BDP1: variants seen among roughly 807,000 people sequenced by gnomAD.
BDP1 encodes BDP1 general transcription factor IIIB subunit.
BDP1 carries 169 observed loss-of-function variants against 266.6 expected under a neutral mutation model. The ratio of observed to expected loss-of-function variants is 0.63; its 90% confidence interval spans 0.56 to 0.72. BDP1 has a LOEUF of 0.72. BDP1 is among the 30% of genes least tolerant of loss of function. The pLI is 0.00. For missense variants in BDP1, 3,015 were observed against 3,053.8 expected (o/e 0.99, Z 0.30); for synonymous variants, 1,090 against 1,022.4 (o/e 1.07, Z -1.26).
chr5:71,575,688 G>A, the BDP1 span, among the ~76,000 whole-genome samples: 11 of 152,096 alleles, frequency 7.2e-5, no homozygotes, highest in Admixed American at 2.6e-4. Flanking sequence ...GCCTCAATTT[G>A]CCTTCTCTGT....
At chr5:71,547,918 T>C (rs1742453851) in intron 32 of BDP1, among the ~76,000 whole-genome samples, 1 of 151,802 alleles carries the variant, frequency 6.6e-6, no homozygotes. Context: ...ATTGTGCCAC[T>C]GCACTCCAGC....
intron 14 of BDP1, among the ~76,000 whole-genome samples, chr5:71,502,236 G>T (rs1220233090): frequency 7.1e-6 from 1 of 141,188 alleles, no homozygotes; most frequent in African/African-American, 2.7e-5. Flanking sequence ...ACGTAGTGGT[G>T]CAGTCTCTGC....
chr5:71,515,962 A>G lies in BDP1; in HGVS notation c.4650-99A>G, dbSNP rs749611360. The G allele has an allele frequency of 4.1e-5, 30 of 736,522 alleles. 1 individual carries two copies. Among genetic ancestry groups the G allele is most frequent in the Non-Finnish European group, 6.5e-5 (29 of 446,242 alleles). The allele number at this position is 736,522 out of a possible 1,614,324, so 45.6% of individuals were successfully genotyped here. On this transcript the variant is annotated intron_variant, in intron 20 of 38. Coordinates refer to ENST00000358731, the MANE Select transcript of BDP1 (RefSeq NM_018429.3). ...CCTTTAATGGTACAAAGTATTTTTT[A>G]GAGTGTTTATTAGAGGAGATCCAAA...
rs1231623123 is a variant in BDP1, at chr5:71,483,834, G to A, written c.1015-8G>A. On this transcript the variant is annotated splice_polypyrimidine_tract_variant and splice_region_variant and intron_variant, in intron 7 of 38. Coordinates refer to ENST00000358731, the MANE Select transcript of BDP1 (RefSeq NM_018429.3). ...GAAAATTACCATAGGGTTTTTTGTT[G>A]TTAACAGAATAAATTTAAACGGGAA... The A allele has an allele frequency of 6.2e-7, 1 of 1,602,368 alleles. No individual in the cohort carries two copies. Among genetic ancestry groups the A allele is most frequent in the Non-Finnish European group, 8.5e-7 (1 of 1,173,212 alleles).
At chr5:71,524,832 G>A (rs1260005842) in intron 25 of BDP1, among the ~76,000 whole-genome samples, 15 of 150,470 alleles carry the variant, frequency 1.0e-4, no homozygotes, top group Middle Eastern at 3.4e-3. Context: ...GAGTGGCGAT[G>A]ACTCTTAACG....
rs564992559 is a variant in BDP1, at chr5:71,504,883, A to G, written c.2372+132A>G. 9 of 805,852 alleles carry G rather than the reference A, an allele frequency of 1.1e-5. No individual in the cohort carries two copies. The Middle Eastern group carries it at 1.0e-3, about 90-fold the overall frequency. The allele number at this position is 805,852 out of a possible 1,614,324, so 49.9% of individuals were successfully genotyped here. On this transcript the variant is annotated intron_variant, in intron 16 of 38. Transcript: ENST00000358731. The stretch of plus-strand genomic sequence containing the variant: ...GTCTAGTTATGTAGTGTTTAAAAAT[A>G]TAACTTCACCTTTCAAGAAAGTTTA...
chr5:71,469,358 G>T (rs927919964), intron 6 of BDP1, among the ~76,000 whole-genome samples: 7 of 150,670 alleles, frequency 4.6e-5, no homozygotes, highest in African/African-American at 1.7e-4. Flanking sequence ...AGGATGGTCT[G>T]GAACTCCTGA....
At position 71,560,144 on chromosome 5, in the gene BDP1, T is replaced by C; in HGVS notation, c.7403T>C (p.Met2468Thr). The C allele has an allele frequency of 6.2e-7, 1 of 1,614,132 alleles. No individual in the cohort carries two copies. Among genetic ancestry groups the C allele is most frequent in the Non-Finnish European group, 8.5e-7 (1 of 1,180,014 alleles). ...GTGCCTCAGTTACCTCAGGATGAAA[T>C]GATTGTGTCTGATAAGGAAGAAAGA... ...KNVPQLPQDE[M>T]IVSDKEERTD... is the part of the protein sequence containing the mutation. The change falls in exon 37 of 39, where the codon ATG (methionine) becomes ACG (threonine). Residue 2468 changes from methionine (M) to threonine (T), a missense_variant. By Grantham distance (81) the Met-to-Thr change is moderately conservative. This residue lies in a region of BDP1 where 629 missense variants were observed against 632.5 expected (regional missense o/e 0.99). Coordinates refer to ENST00000358731, the MANE Select transcript of BDP1 (RefSeq NM_018429.3).
intron 2 of BDP1, among the ~76,000 whole-genome samples, chr5:71,459,662 A>G (rs1000759522): frequency 1.3e-5 from 2 of 152,236 alleles, no homozygotes; most frequent in African/African-American, 4.8e-5. Context: ...CTAGAAGGGC[A>G]GGTAACAGCA....
rs746471560 is a variant in BDP1 at position 71,513,423 on chromosome 5, A to G, written c.4470+16A>G. The G allele has an allele frequency of 3.3e-5, 47 of 1,432,406 alleles. No individual in the cohort carries two copies. Among genetic ancestry groups the G allele is most frequent in the South Asian group, 1.3e-4 (10 of 76,646 alleles). 88.7% of individuals were successfully genotyped at this position (1,432,406 alleles called of 1,614,324 possible). A position where few individuals can be genotyped will look rare whatever the true frequency, so the allele number is the denominator to read the frequency against. ...TTCTCAACATGTGAGTGTATTTGAG[A>G]TGGAAGTTCTGTGTGGGTGTTTTTT... On this transcript the variant is annotated intron_variant, in intron 19 of 38. Transcript: ENST00000358731.
At chr5:71,571,009 CAAAT>C (rs1468462739), downstream of BDP1, among the ~76,000 whole-genome samples, 1 of 151,980 alleles carries the variant, frequency 6.6e-6, no homozygotes, top group Non-Finnish European at 1.5e-5. Context: ...ACAACTATAA[CAAAT>C]AATACAAATA....
chr5:71,537,602 T>C (rs1333872650), intron 26 of BDP1: 1 of 158,570 alleles, frequency 6.3e-6, no homozygotes, highest in Non-Finnish European at 1.5e-5. Flanking sequence ...TCCTTGGTTT[T>C]TGTTTCTCTG....
At chr5:71,494,247 A>C (rs1463861546) in intron 11 of BDP1, among the ~76,000 whole-genome samples, 1 of 152,230 alleles carries the variant, frequency 6.6e-6, no homozygotes, top group Non-Finnish European at 1.5e-5. Context: ...AAAATGAACA[A>C]GAAAAAAAGA....
intron 7 of BDP1, among the ~76,000 whole-genome samples, 166 bp downstream of exon 7, chr5:71,470,655 C>T (rs140551492): frequency 6.6e-4 from 99 of 150,420 alleles, no homozygotes; most frequent in African/African-American, 2.3e-3. Context: ...GTGGCACAGT[C>T]TCGGCTCACT....
intron 12 of BDP1, among the ~76,000 whole-genome samples, chr5:71,496,609 T>G (rs951088866): frequency 1.3e-5 from 2 of 151,718 alleles, no homozygotes; most frequent in Non-Finnish European, 2.9e-5. Flanking sequence ...AGAGACGGAG[T>G]CTTGCTCTTG....
In BDP1 at chr5:71,485,212, C is replaced by T. The variant is rs115496145; in HGVS notation, c.1070-1272C>T. 3.8e-3 allele frequency among the ~76,000 whole-genome samples: 580 copies of T among 152,246 alleles called. 4 individuals are homozygous for T. Among genetic ancestry groups the T allele is most frequent in the African/African-American group, 0.014 (564 of 41,562 alleles). On this transcript the variant is annotated intron_variant, in intron 8 of 38. Coordinates refer to ENST00000358731, the MANE Select transcript of BDP1 (RefSeq NM_018429.3). The stretch of plus-strand genomic sequence containing the variant: ...TATAGGCCCAGCTACTCTCAGGAGT[C>T]GCTGAGGCAGGAGGATCTTTTCAGC...
chr5:71,487,327 C>T (rs6866581), intron 9 of BDP1, among the ~76,000 whole-genome samples: 3,152 of 152,094 alleles, frequency 0.021, 58 homozygotes, highest in African/African-American at 0.055. Context: ...CTGCAAGCTC[C>T]GCCTTCCGGG....
chr5:71,516,506 A>G (rs1765231009), intron 21 of BDP1, among the ~76,000 whole-genome samples: 1 of 152,208 alleles, frequency 6.6e-6, no homozygotes. Flanking sequence ...GGACAAAATA[A>G]TATAAATACC....
intron 1 of BDP1, among the ~76,000 whole-genome samples, chr5:71,458,061 A>G (rs1209343360): frequency 6.6e-6 from 1 of 152,166 alleles, no homozygotes; most frequent in Non-Finnish European, 1.5e-5. Context: ...TACTGTAACT[A>G]AATGTTTTTC....
Sources: allele counts gnomAD v4.1 joint callset (sites outside exome capture counted in the v4.1 genomes callset), GRCh38; gene constraint gnomAD v4.1.1; regional missense constraint gnomAD v4.1.1; transcripts MANE v1.5; gene names NCBI Gene and HGNC (gene_info 2026-07-23, HGNC 2026-07-21).